The following LRIG3 variants were observed in gnomAD, a reference collection of about 807,000 sequenced individuals.
LRIG3 encodes the protein leucine rich repeats and immunoglobulin like domains 3, also known as leucine-rich repeats and immunoglobulin-like domains protein 3.
A neutral mutation model predicts 114.5 loss-of-function variants in LRIG3; 76 were observed. That is an observed-to-expected ratio of 0.66 (90% CI 0.55 to 0.80). LRIG3 has a LOEUF of 0.80. Among genes scored for constraint, LRIG3 ranks in the 30% least tolerant of loss-of-function variants. The pLI is 0.00. For synonymous variants in LRIG3, 512 were observed against 519.8 expected (o/e 0.98, Z 0.20); for missense variants, 1,239 against 1,382.8 (o/e 0.90, Z 1.65).
intron 3 of LRIG3, among the ~76,000 whole-genome samples, chr12:58,896,305 T>A (rs970315378): frequency 1.3e-5 from 2 of 152,174 alleles, no homozygotes; most frequent in African/African-American, 4.8e-5. Context: ...TTCACTGTAA[T>A]CTCCAGAAAG....
At chr12:58,919,914 C>A in intron 1 of LRIG3, 86 bp downstream of exon 1, 2 of 1,320,248 alleles carry the variant, frequency 1.5e-6, no homozygotes. Context: ...AAGGGGACTG[C>A]ACGCCGAACC....
intron 1 of LRIG3, among the ~76,000 whole-genome samples, chr12:58,916,279 G>A (rs975360336): frequency 1.1e-4 from 17 of 152,066 alleles, no homozygotes; most frequent in African/African-American, 3.9e-4. Context: ...CCAGAAGCAG[G>A]AGCTTGAAAC....
intron 3 of LRIG3, among the ~76,000 whole-genome samples, chr12:58,906,210 A>C (rs941643821): frequency 6.6e-6 from 1 of 152,176 alleles, no homozygotes. Context: ...CTGCTCCTCA[A>C]CTTCCATAAT....
chr12:58,909,520 A>G (rs1872192455), intron 3 of LRIG3, among the ~76,000 whole-genome samples: 1 of 152,186 alleles, frequency 6.6e-6, no homozygotes, highest in Non-Finnish European at 1.5e-5. Context: ...TGGGTGTCCT[A>G]GCACTTAAAA....
chr12:58,918,103 A>G (rs1348007427), intron 1 of LRIG3, among the ~76,000 whole-genome samples: 1 of 152,248 alleles, frequency 6.6e-6, no homozygotes, highest in East Asian at 1.9e-4. Flanking sequence ...GGAATGACAG[A>G]GCTGTCCAAT....
intron 3 of LRIG3, among the ~76,000 whole-genome samples, chr12:58,908,072 A>G (rs991886628): frequency 3.9e-5 from 6 of 152,248 alleles, no homozygotes; most frequent in African/African-American, 1.4e-4. Flanking sequence ...TCTGTAGCAC[A>G]GCAATGGGCA....
At chr12:58,919,203 A>AT (rs1872582337) in intron 1 of LRIG3, among the ~76,000 whole-genome samples, 1 of 152,122 alleles carries the variant, frequency 6.6e-6, no homozygotes. Context: ...ACTAAATTAC[A>AT]TTTTCTTCCT....
At position 58,872,666 on chromosome 12, in the gene LRIG3, G is replaced by A. The variant is rs1231582780; in HGVS notation, c.3266C>T (p.Thr1089Ile). The change falls in exon 19 of 19, where the codon ACA becomes ATA. Residue 1089 changes from threonine to isoleucine, a missense_variant. Coordinates refer to ENST00000320743, the MANE Select transcript of LRIG3 (RefSeq NM_153377.5). ...AATGTGATTTTCTTCCTGAAAATCT[G>A]TCCTTTCTTTCCCATCTTCCTCTGA... is the stretch of plus-strand genomic sequence containing the variant. Reference protein sequence around the residue: ...SGSEEDGKERTDFQEENHICT... With the variant: ...SGSEEDGKERIDFQEENHICT... 6.2e-7 allele frequency: 1 copy of A among 1,614,074 alleles called. No homozygotes were observed. The highest frequency in any genetic ancestry group is 8.5e-7 in the Non-Finnish European group (1 of 1,179,984).
chr12:58,880,701 C>G lies in LRIG3; in HGVS notation c.1681G>C (p.Glu561Gln). Residue 561 changes from glutamate (E) to glutamine (Q), a missense_variant, in exon 13 of 19, where the codon GAG (glutamate) becomes CAG (glutamine). Physicochemically the swap from Glu to Gln is conservative, Grantham distance 29. Transcript: ENST00000320743. ...CGCAGCCGAAGGATGGTGGTATACT[C>G]CATCACCTCGCCACCTTGGGCCCGG... ...HLRAQGGEVM[E>Q]YTTILRLREV... 6.2e-7 allele frequency: 1 copy of G among 1,614,232 alleles called. No homozygotes were observed. The highest frequency in any genetic ancestry group is 8.5e-7 in the Non-Finnish European group (1 of 1,180,050).
intron 3 of LRIG3, among the ~76,000 whole-genome samples, chr12:58,906,399 A>G (rs1872067575): frequency 6.6e-6 from 1 of 152,216 alleles, no homozygotes; most frequent in South Asian, 2.1e-4. Flanking sequence ...AGAGCATATT[A>G]AAATATCAAT....
rs200861933 is a variant in LRIG3, at chr12:58,919,413, G to A, written c.236+587C>T. ...GACCAGTCTTTACAATCTGGTTGAG[G>A]AGTGGGAACTTACGGTCTGCTAATG... On this transcript the variant is annotated intron_variant, in intron 1 of 18. Transcript: ENST00000320743. The A allele has an allele frequency of 1.7e-5, 27 of 1,551,492 alleles. No individual in the cohort carries two copies. In the African/African-American group the frequency reaches 3.6e-4, roughly 20 times the overall value.
At chr12:58,905,302 T>C (rs938015913) in intron 3 of LRIG3, among the ~76,000 whole-genome samples, 2 of 152,238 alleles carry the variant, frequency 1.3e-5, no homozygotes, top group Admixed American at 6.5e-5. Flanking sequence ...GGCCAGTTTA[T>C]ATTTAAATGT....
In LRIG3 at chr12:58,877,559, G is replaced by A. The variant is rs1221553076; in HGVS notation, c.2377C>T (p.Pro793Ser). 8 of 1,614,104 alleles carry A rather than the reference G, an allele frequency of 5.0e-6. No individual in the cohort carries two copies. The highest frequency in any genetic ancestry group is 6.8e-6 in the Non-Finnish European group (8 of 1,180,058). ...TCTAACGATGGGGCTGTCATCTGAG[G>A]GGAGTCGCAGGTTGGAGTGGGGATC... Reference protein sequence around the residue: ...SVIPTPTCDSPQMTAPSLDDD... With the variant: ...SVIPTPTCDSSQMTAPSLDDD... The change falls in exon 15 of 19, where the codon CCT (proline) becomes TCT (serine). Residue 793 changes from proline to serine, a missense_variant. Coordinates refer to ENST00000320743, the MANE Select transcript of LRIG3 (RefSeq NM_153377.5).
Position 58,920,433 on chromosome 12 carries a change from G to A in LRIG3, c.-198C>T. The A allele has an allele frequency of 2.4e-6, 1 of 413,606 alleles. No homozygotes were observed. Among genetic ancestry groups the A allele is most frequent in the Non-Finnish European group, 4.2e-6 (1 of 237,918 alleles). 25.6% of individuals were successfully genotyped at this position (413,606 alleles called of 1,614,324 possible). ...GCCCCCAAACAGCAGGAGGGAAACC[G>A]AAAAGAACTGCCAACTGCAACAGAG... On this transcript the variant is annotated 5_prime_UTR_variant, in exon 1 of 19. Coordinates refer to ENST00000320743, the MANE Select transcript of LRIG3 (RefSeq NM_153377.5).
chr12:58,912,308 A>C (rs1050634135), intron 3 of LRIG3, among the ~76,000 whole-genome samples: 1 of 152,140 alleles, frequency 6.6e-6, no homozygotes, highest in Admixed American at 6.5e-5. Context: ...CATCCTGGCT[A>C]ACACGGTGAA....
chr12:58,882,624 C>T (rs1871157365), intron 12 of LRIG3, among the ~76,000 whole-genome samples: 1 of 152,064 alleles, frequency 6.6e-6, no homozygotes. Context: ...CTCCCAAGAT[C>T]CAATTTCATT....
chr12:58,918,208 T>C (rs1223024004), intron 1 of LRIG3, among the ~76,000 whole-genome samples: 4 of 152,202 alleles, frequency 2.6e-5, no homozygotes, highest in African/African-American at 4.8e-5. Context: ...TGGGCTAGTA[T>C]TGAGACAATT....
chr12:58,882,438 C>T (rs1184588652), intron 12 of LRIG3, among the ~76,000 whole-genome samples: 1 of 152,082 alleles, frequency 6.6e-6, no homozygotes, highest in Non-Finnish European at 1.5e-5. Context: ...GTTTTACCGA[C>T]CAATAGTTAA....
intron 3 of LRIG3, among the ~76,000 whole-genome samples, chr12:58,902,350 C>A (rs1260265558): frequency 6.6e-6 from 1 of 152,108 alleles, no homozygotes; most frequent in Non-Finnish European, 1.5e-5. Context: ...CTCATGCACA[C>A]TAAAAATGAC....
Sources: gnomAD v4.1 joint callset for allele counts (sites outside exome capture counted in the v4.1 genomes callset) on GRCh38, gnomAD v4.1.1 for gene constraint, MANE v1.5 for transcripts, NCBI Gene and HGNC (gene_info 2026-07-23, HGNC 2026-07-21) for gene names.